The following LRCH1 variants were observed in gnomAD, a reference collection of about 807,000 sequenced individuals.
LRCH1 encodes leucine-rich repeat and calponin homology domain-containing protein 1.
A neutral mutation model predicts 94.9 loss-of-function variants in LRCH1; 23 were observed. The observed-to-expected ratio is 0.24, with a 90% CI of 0.17 to 0.34. The LOEUF is 0.34. Ranked by LOEUF, LRCH1 falls within the 10% of genes least tolerant of loss-of-function variation. The pLI is 1.00. For synonymous variants in LRCH1, 364 were observed against 354.9 expected (o/e 1.03, Z -0.29); for missense variants, 790 against 945.9 (o/e 0.84, Z 2.16).
intron 1 of LRCH1, among the ~76,000 whole-genome samples, chr13:46,574,812 T>A (rs1399583517): frequency 2.0e-5 from 3 of 150,324 alleles, no homozygotes; most frequent in African/African-American, 7.4e-5. Context: ...GGCATTTATT[T>A]GTGTGTGGGG....
chr13:46,633,081 A>G (rs1167856088), intron 1 of LRCH1, among the ~76,000 whole-genome samples: 1 of 152,242 alleles, frequency 6.6e-6, no homozygotes, highest in African/African-American at 2.4e-5. Context: ...TACTATATTC[A>G]GCCACCATCA....
rs756446480 is a variant in LRCH1 at position 46,694,941 on chromosome 13, G to A, written c.1169G>A (p.Ser390Asn). ...FQPEPSLLGDSTNSGEERDQF... is the reference protein window; with the variant it reads ...FQPEPSLLGDNTNSGEERDQF... ...CCGGAGCCTTCCCTTTTGGGTGACA[G>A]CACCAACTCAGGAGAAGAAAGAGAC... Residue 390 changes from serine (S) to asparagine (N), a missense_variant, in exon 9 of 20, where the codon AGC (serine) becomes AAC (asparagine). Physicochemically the swap from Ser to Asn is conservative, Grantham distance 46 (BLOSUM62 1). Around this residue, in one of 3 missense-constraint regions of LRCH1, gnomAD observed 460 missense variants for 508.9 expected, o/e 0.90. Transcript: ENST00000389797. 6.2e-6 allele frequency: 10 copies of A among 1,614,004 alleles called. No homozygotes were observed. Among genetic ancestry groups the A allele is most frequent in the Non-Finnish European group, 8.5e-6 (10 of 1,179,950 alleles).
chr13:46,693,514 A>T (rs535672162), intron 8 of LRCH1, among the ~76,000 whole-genome samples: 5 of 152,150 alleles, frequency 3.3e-5, no homozygotes, highest in Non-Finnish European at 7.4e-5. Context: ...GAGGGTGGGA[A>T]ATGTAGTTGA....
downstream of LRCH1, among the ~76,000 whole-genome samples, chr13:46,746,828 G>A (rs1873931598): frequency 6.6e-6 from 1 of 152,176 alleles, no homozygotes; most frequent in Non-Finnish European, 1.5e-5. Context: ...CTCTGTGGGA[G>A]ATGCAGTGTC....
rs775982237 is a variant in LRCH1, at chr13:46,692,519, G to C, written c.1015-17G>C. 7 of 1,564,588 alleles carry C rather than the reference G, an allele frequency of 4.5e-6. No homozygotes were observed. Among genetic ancestry groups the C allele is most frequent in the Middle Eastern group, 1.7e-4 (1 of 5,960 alleles). On this transcript the variant is annotated splice_polypyrimidine_tract_variant and intron_variant, in intron 7 of 19. Coordinates refer to ENST00000389797, the MANE Select transcript of LRCH1 (RefSeq NM_001164211.2). ...TAACACTTCTCTTGAGTTAAACAGT[G>C]CACTGTATCTTTTTAGCCTTCTGAC...
downstream of LRCH1, chr13:46,744,928 G>A: frequency 1.0e-6 from 1 of 981,812 alleles, no homozygotes; most frequent in Non-Finnish European, 1.2e-6. Flanking sequence ...TCTTTAAGAT[G>A]GTCAGAGTCT....
chr13:46,625,338 C>T (rs1398287233), intron 1 of LRCH1, among the ~76,000 whole-genome samples: 1 of 152,212 alleles, frequency 6.6e-6, no homozygotes, highest in Non-Finnish European at 1.5e-5. Context: ...GTTTGTGTCC[C>T]CCCACCCCAA....
chr13:46,668,905 A>G, intron 2 of LRCH1, 125 bp from the exon 3 acceptor site: 2 of 878,082 alleles, frequency 2.3e-6, no homozygotes, highest in Non-Finnish European at 3.5e-6. Flanking sequence ...AATATATTGG[A>G]CTTCTTGTAT....
At chr13:46,583,782 A>G (rs2050399743) in intron 1 of LRCH1, among the ~76,000 whole-genome samples, 1 of 146,156 alleles carries the variant, frequency 6.8e-6, no homozygotes, top group Non-Finnish European at 1.5e-5. Context: ...TTTTTTTGAG[A>G]CAGTGTGTCA....
At chr13:46,685,647 T>C (rs1870568965) in intron 4 of LRCH1, among the ~76,000 whole-genome samples, 1 of 152,214 alleles carries the variant, frequency 6.6e-6, no homozygotes, top group African/African-American at 2.4e-5. Flanking sequence ...CAATAGATAT[T>C]GTAAATGTTA....
chr13:46,676,653 A>G (rs1277279229), intron 3 of LRCH1, among the ~76,000 whole-genome samples: 1 of 152,220 alleles, frequency 6.6e-6, no homozygotes. Flanking sequence ...CAGTATTACC[A>G]TAAACCTAAG....
intron 1 of LRCH1, among the ~76,000 whole-genome samples, chr13:46,612,616 T>C (rs750546224): frequency 6.6e-6 from 1 of 152,200 alleles, no homozygotes; most frequent in Non-Finnish European, 1.5e-5. Flanking sequence ...AGGACCACTC[T>C]CTTTTCTTCT....
intron 3 of LRCH1, chr13:46,680,187 G>A (rs894552995): frequency 2.0e-5 from 3 of 152,246 alleles, no homozygotes; most frequent in Non-Finnish European, 2.9e-5. Context: ...TGGTATGTAT[G>A]TTGGAGCATC....
chr13:46,740,011 G>T (rs1041203160), intron 19 of LRCH1, among the ~76,000 whole-genome samples: 1 of 152,168 alleles, frequency 6.6e-6, no homozygotes, highest in African/African-American at 2.4e-5. Flanking sequence ...AGAATCATCT[G>T]CTTTTAACAT....
chr13:46,620,129 A>T (rs1293508806), intron 1 of LRCH1, among the ~76,000 whole-genome samples: 2 of 152,112 alleles, frequency 1.3e-5, no homozygotes, highest in African/African-American at 2.4e-5. Context: ...ATAGAGTCCA[A>T]ACTCCTTCCC....
intron 1 of LRCH1, among the ~76,000 whole-genome samples, chr13:46,579,579 T>A (rs1284359582): frequency 6.6e-6 from 1 of 152,206 alleles, no homozygotes; most frequent in East Asian, 1.9e-4. Context: ...AGCTCTTTTC[T>A]TGGAGTTTAA....
rs574697555 is a variant in LRCH1, at chr13:46,601,570, T to TGTAA, written c.307+47868_307+47869insTAAG. Among the ~76,000 whole-genome samples, 597 of 152,364 alleles carry TGTAA rather than the reference T, an allele frequency of 3.9e-3. 7 individuals carry two copies. The highest frequency in any genetic ancestry group is 0.013 in the African/African-American group (535 of 41,600). ...GTTAGTTCAATGTCCTCTTGTAATC[T>TGTAA]GAATTTTTTCATCAAATTCTTTTAA... On this transcript the variant is annotated intron_variant, in intron 1 of 19. Transcript: ENST00000389797.
At chr13:46,632,358 A>G (rs2051028873) in intron 1 of LRCH1, among the ~76,000 whole-genome samples, 1 of 152,200 alleles carries the variant, frequency 6.6e-6, no homozygotes, top group Admixed American at 6.5e-5. Flanking sequence ...GCCTGGTGCC[A>G]TATGTCTGCC....
At chr13:46,585,293 T>C (rs1396498527) in intron 1 of LRCH1, among the ~76,000 whole-genome samples, 1 of 152,218 alleles carries the variant, frequency 6.6e-6, no homozygotes, top group African/African-American at 2.4e-5. Context: ...AATGCATTTC[T>C]AGAGCCGGGC....
Sources: allele counts gnomAD v4.1 joint callset (sites outside exome capture counted in the v4.1 genomes callset), GRCh38; gene constraint gnomAD v4.1.1; regional missense constraint gnomAD v4.1.1; transcripts MANE v1.5; gene names NCBI Gene and HGNC (gene_info 2026-07-23, HGNC 2026-07-21).